The following SPAG4 variants were observed in gnomAD, a reference collection of about 807,000 sequenced individuals.
The protein encoded by SPAG4 is sperm associated antigen 4.
In SPAG4, 54 loss-of-function variants were observed where a neutral mutation model predicts 53.9. That is an observed-to-expected ratio of 1.00 (90% confidence interval 0.80 to 1.26). The LOEUF (loss-of-function observed/expected upper bound fraction) is 1.26. Among genes scored for constraint, SPAG4 ranks in the 50% most tolerant of loss-of-function variants. The pLI is 0.00. For synonymous variants in SPAG4, 246 were observed against 237.4 expected, an observed-to-expected ratio of 1.04 and a Z score of -0.33; for missense variants, 548 against 568.6, an observed-to-expected ratio of 0.96 and a Z score of 0.37.
chr20:35,620,644 G>GGGC, intron 10 of SPAG4, 40 bp from the exon 11 acceptor site: 1 of 260,724 alleles, frequency 3.8e-6, no homozygotes. Flanking sequence ...CGCCCCACCT[G>GGGC]TCCCCCTCAT....
Position 35,620,903 on chromosome 20 carries a change from G to C in SPAG4, c.1195G>C (p.Val399Leu), listed in dbSNP as rs367814728. 1.9e-6 allele frequency: 3 copies of C among 1,614,068 alleles called. No individual in the cohort carries two copies. In the African/African-American group the frequency reaches 4.0e-5, roughly 22 times the overall value. ...TGACCCCCCAGCTGCCTTTCCCAAG[G>C]TGAAGATCCAGATTCTAAGCAACTG... is the stretch of plus-strand genomic sequence containing the variant. Reference protein sequence around the residue: ...QNDPPAAFPKVKIQILSNWGH... With the variant: ...QNDPPAAFPKLKIQILSNWGH... The change falls in exon 12 of 12, where the codon GTG becomes CTG. Residue 399 changes from valine (V) to leucine (L), a missense_variant. Coordinates refer to ENST00000374273, the MANE Select transcript of SPAG4 (RefSeq NM_003116.3).
intron 1 of SPAG4, among the ~76,000 whole-genome samples, chr20:35,616,695 T>C (rs1434085021): frequency 2.0e-5 from 3 of 151,680 alleles, no homozygotes; most frequent in Non-Finnish European, 4.4e-5. Context: ...AATGGCATGA[T>C]CTCGGCTCAC....
Position 35,616,242 on chromosome 20 carries a change from CAGCGCCTCGG to C in SPAG4, c.243_252del (p.Pro82ThrfsTer12), listed in dbSNP as rs1194352275. On this transcript the variant is annotated frameshift_variant, in exon 1 of 12. Coordinates refer to ENST00000374273, the MANE Select transcript of SPAG4 (RefSeq NM_003116.3). LOFTEE classifies it high-confidence loss of function. ...TGGGCAGGAAGCTCTCAGCAGAAGC[CAGCGCCTCGG>C]AGCCACAACTGGCAGACAGCCTGTG... The C allele has an allele frequency of 2.0e-6, 3 of 1,531,120 alleles. No homozygotes were observed. The highest frequency in any genetic ancestry group is 2.6e-6 in the Non-Finnish European group (3 of 1,142,996). The allele number at this position is 1,531,120 out of a possible 1,614,324, so 94.8% of individuals were successfully genotyped here.
intron 1 of SPAG4, among the ~76,000 whole-genome samples, chr20:35,616,633 CTTT>C (rs11476679): frequency 7.8e-5 from 10 of 128,886 alleles, no homozygotes; most frequent in Admixed American, 1.5e-4. Context: ...GGGACCAACT[CTTT>C]TTTTTTTTTT....
Position 35,618,691 on chromosome 20 carries a change from G to T in SPAG4, c.688G>T (p.Val230Leu). 3 of 1,590,430 alleles carry T rather than the reference G, an allele frequency of 1.9e-6. No individual in the cohort carries two copies. Among genetic ancestry groups the T allele is most frequent in the Non-Finnish European group, 1.7e-6 (2 of 1,168,072 alleles). Residue 230 changes from valine to leucine, a missense_variant, in exon 7 of 12, where the codon GTG (valine) becomes TTG (leucine). Physicochemically the swap from Val to Leu is conservative, Grantham distance 32. Coordinates refer to ENST00000374273, the MANE Select transcript of SPAG4 (RefSeq NM_003116.3). ...CGAGCTGGATAAACTCCACAAGGAGGTGTCCACTGTTCGGGCAGCCAACAG... is the reference window on the plus strand; with the variant it reads ...CGAGCTGGATAAACTCCACAAGGAGTTGTCCACTGTTCGGGCAGCCAACAG... ...QAELDKLHKE[V>L]STVRAANSER...
At chr20:35,619,030 GCAGACAGGAAAGAGGCCAAGACACTGACA>G (rs1568899912) in intron 8 of SPAG4, 32 bp downstream of exon 8, 1 of 1,591,108 alleles carries the variant, frequency 6.3e-7, no homozygotes, top group Non-Finnish European at 8.6e-7. Context: ...AGACAGAGAC[GCAGACAGGAAAGAGGCCAAGACACTGACA>G]CAGACAGACC....
In SPAG4 at chr20:35,619,233, G is replaced by T; in HGVS notation, c.832G>T (p.Ala278Ser). ...IDLQKTSHDY[A>S]DRNTAYFWNR... ...CCTGCAGAAGACATCCCACGATTACGCAGACAGGAACACTGCCTACTTCTG... is the reference window on the plus strand; with the variant it reads ...CCTGCAGAAGACATCCCACGATTACTCAGACAGGAACACTGCCTACTTCTG... Residue 278 changes from alanine to serine, a missense_variant, in exon 9 of 12, where the codon GCA (alanine) becomes TCA (serine). Physicochemically the swap from Ala to Ser is moderately conservative, Grantham distance 99 (BLOSUM62 1). Transcript: ENST00000374273. The T allele has an allele frequency of 1.2e-6, 2 of 1,613,688 alleles. No individual in the cohort carries two copies. The highest frequency in any genetic ancestry group is 1.7e-6 in the Non-Finnish European group (2 of 1,179,920).
chr20:35,616,320 T>C lies in SPAG4; in HGVS notation c.304+13T>C. ...GGCGGGGCCTCGGGTGCGGGCGGGG[T>C]CGACCCCGGGTGAGCCAGTGGAGGG... On this transcript the variant is annotated intron_variant, in intron 1 of 11. Transcript: ENST00000374273. 6.9e-7 allele frequency: 1 copy of C among 1,443,440 alleles called. No individual in the cohort carries two copies. Among genetic ancestry groups the C allele is most frequent in the Non-Finnish European group, 9.1e-7 (1 of 1,102,554 alleles). 89.4% of individuals were successfully genotyped at this position (1,443,440 alleles called of 1,614,324 possible).
chr20:35,615,897 C>A lies in SPAG4; in HGVS notation c.-107C>A. 8.9e-7 allele frequency: 1 copy of A among 1,119,490 alleles called. No homozygotes were observed. Among genetic ancestry groups the A allele is most frequent in the Non-Finnish European group, 1.2e-6 (1 of 809,778 alleles). The allele number at this position is 1,119,490 out of a possible 1,614,324, so 69.3% of individuals were successfully genotyped here. A position where few individuals can be genotyped will look rare whatever the true frequency, so the allele number is the denominator to read the frequency against. ...GGCCGCGGGGCCTGCCGACTTCACG[C>A]AGGGTCCGTGGGGTCCCCGCGGCGC... On this transcript the variant is annotated 5_prime_UTR_variant, in exon 1 of 12. Coordinates refer to ENST00000374273, the MANE Select transcript of SPAG4 (RefSeq NM_003116.3).
At position 35,618,433 on chromosome 20, in the gene SPAG4, G is replaced by A; in HGVS notation, c.583-17G>A. The A allele has an allele frequency of 1.9e-6, 3 of 1,613,934 alleles. No homozygotes were observed. The highest frequency in any genetic ancestry group is 2.5e-6 in the Non-Finnish European group (3 of 1,179,972). On this transcript the variant is annotated splice_polypyrimidine_tract_variant and intron_variant, in intron 5 of 11. Coordinates refer to ENST00000374273, the MANE Select transcript of SPAG4 (RefSeq NM_003116.3). ...CGGGAGCTGAGCGGCTCTGTGTTTT[G>A]TCCCTTCATCCAACAGGAACCTAAG...
Position 35,617,818 on chromosome 20 carries a change from G to A in SPAG4, c.516G>A (p.Ser172=). 2 of 1,614,036 alleles carry A rather than the reference G, an allele frequency of 1.2e-6. No individual in the cohort carries two copies. Among genetic ancestry groups the A allele is most frequent in the East Asian group, 2.2e-5 (1 of 44,860 alleles). The part of the protein sequence containing the change: ...CSIRFLFTAV[S]LLSLFLSAFW... ...TCCGCTTCCTGTTCACGGCTGTGTC[G>A]CTGCTGAGCCTCTTTCTGTCAGGTG... is the stretch of plus-strand genomic sequence containing the variant. The change falls in exon 4 of 12, where the codon TCG becomes TCA. Residue 172 remains serine, a synonymous_variant. Coordinates refer to ENST00000374273, the MANE Select transcript of SPAG4 (RefSeq NM_003116.3).
At chr20:35,619,113 C>T (rs1383932030) in intron 8 of SPAG4, 82 bp from the exon 9 acceptor site, 4 of 1,073,078 alleles carry the variant, frequency 3.7e-6, no homozygotes, top group Non-Finnish European at 5.5e-6. Context: ...ACAGCCCCCA[C>T]CCGCCCCCAG....
At chr20:35,617,489 GC>G (rs1308291896) in intron 2 of SPAG4, 30 bp from the exon 3 acceptor site, 2 of 1,565,366 alleles carry the variant, frequency 1.3e-6, no homozygotes, top group Non-Finnish European at 1.7e-6. Context: ...CCTGCCGTGG[GC>G]CCCTCTCTGA....
chr20:35,615,849 G>A lies in SPAG4; in HGVS notation c.-155G>A. On this transcript the variant is annotated 5_prime_UTR_variant, in exon 1 of 12. Coordinates refer to ENST00000374273, the MANE Select transcript of SPAG4 (RefSeq NM_003116.3). ...CCTCTGTGACGTCAGCAGCCGGCCG[G>A]GACACAGCGGGAGGGCAGGTGCGGC... 1 of 641,848 alleles carries A rather than the reference G, an allele frequency of 1.6e-6. No individual in the cohort carries two copies. The highest frequency in any genetic ancestry group is 2.5e-6 in the Non-Finnish European group (1 of 393,760). 39.8% of individuals were successfully genotyped at this position (641,848 alleles called of 1,614,324 possible).
At chr20:35,620,810 G>A (rs756071501) in intron 11 of SPAG4, 37 bp downstream of exon 11, 1 of 1,612,896 alleles carries the variant, frequency 6.2e-7, no homozygotes, top group South Asian at 1.1e-5. Flanking sequence ...CCAAGGGAGT[G>A]GGGCAGTGAG....
rs540420362 is a variant in SPAG4, at chr20:35,618,796, G to A, written c.717+76G>A. On this transcript the variant is annotated intron_variant, in intron 7 of 11. Transcript: ENST00000374273. ...TCCTGAGACTTAAGCTCCGCCCAGA[G>A]CCCTGCGGGATTTCTCCCGGTGCCC... 6 of 1,440,500 alleles carry A rather than the reference G, an allele frequency of 4.2e-6. No individual in the cohort carries two copies. The African/African-American group carries it at 7.0e-5, about 17-fold the overall frequency. 89.2% of individuals were successfully genotyped at this position (1,440,500 alleles called of 1,614,324 possible).
chr20:35,619,106 GC>G, intron 8 of SPAG4, 88 bp from the exon 9 acceptor site: 1 of 1,122,290 alleles, frequency 8.9e-7, no homozygotes, highest in East Asian at 2.6e-5. Context: ...GCCTCGGACA[GC>G]CCCCACCCGC....
In SPAG4 at chr20:35,618,977, G is replaced by A. The variant is rs753644797; in HGVS notation, c.772G>A (p.Asp258Asn). ...RLNEDFVRKP[D>N]YALSSVGASI... ...GAATGAGGATTTTGTGCGGAAGCCCGACTATGCTTTGAGCTCTGTGGGTAA... is the reference window on the plus strand; with the variant it reads ...GAATGAGGATTTTGTGCGGAAGCCCAACTATGCTTTGAGCTCTGTGGGTAA... The change falls in exon 8 of 12, where the codon GAC becomes AAC. Residue 258 changes from aspartate to asparagine, a missense_variant. Asp to Asn is a conservative substitution (Grantham distance 23). Transcript: ENST00000374273. The A allele has an allele frequency of 6.2e-7, 1 of 1,614,086 alleles. No homozygotes were observed. Among genetic ancestry groups the A allele is most frequent in the Admixed American group, 1.7e-5 (1 of 60,022 alleles).
At chr20:35,620,642 C>A in intron 10 of SPAG4, 42 bp from the exon 11 acceptor site, 1 of 712,970 alleles carries the variant, frequency 1.4e-6, no homozygotes, top group Non-Finnish European at 2.3e-6. Flanking sequence ...CCCGCCCCAC[C>A]TGTCCCCCTC....
Sources: gnomAD v4.1 joint callset for allele counts (sites outside exome capture counted in the v4.1 genomes callset) on GRCh38, gnomAD v4.1.1 for gene constraint, MANE v1.5 for transcripts, NCBI Gene and HGNC (gene_info 2026-07-23, HGNC 2026-07-21) for gene names.